KLF12: variants seen among roughly 807,000 people sequenced by gnomAD.
KLF12 encodes the protein Krueppel-like factor 12.
A neutral mutation model predicts 37.8 loss-of-function variants in KLF12; 9 were observed. The ratio of observed to expected loss-of-function variants is 0.24; its 90% CI spans 0.14 to 0.42. The LOEUF is 0.42. Among genes scored for constraint, KLF12 ranks in the 10% least tolerant of loss-of-function variants. KLF12 has a pLI of 1.00. For synonymous variants in KLF12, 208 were observed against 202.1 expected (o/e 1.03, Z -0.25); for missense variants, 411 against 516.0 (o/e 0.80, Z 1.97).
At chr13:74,242,564 G>A in the KLF12 span, among the ~76,000 whole-genome samples, 2 of 152,202 alleles carry the variant, frequency 1.3e-5, no homozygotes, top group African/African-American at 2.4e-5. Context: ...TACAATTCAA[G>A]ATGAGATTTG....
chr13:73,810,981 T>C (rs1594118161), intron 5 of KLF12, among the ~76,000 whole-genome samples: 1 of 101,986 alleles, frequency 9.8e-6, no homozygotes, highest in Non-Finnish European at 2.0e-5. Flanking sequence ...AATTTTTCTT[T>C]CTTTTTTTTT....
chr13:74,005,992 T>C (rs78630947), intron 1 of KLF12, among the ~76,000 whole-genome samples: 5,949 of 152,260 alleles, frequency 0.039, 159 homozygotes, highest in African/African-American at 0.068. Flanking sequence ...TGGGTTCTCA[T>C]TCTATACTCT....
the KLF12 span, among the ~76,000 whole-genome samples, chr13:74,286,503 T>C: frequency 6.6e-6 from 1 of 152,200 alleles, no homozygotes; most frequent in African/African-American, 2.4e-5. Flanking sequence ...AGAAAAAATT[T>C]TCATATGCAC....
intron 2 of KLF12, among the ~76,000 whole-genome samples, chr13:73,959,096 A>G (rs1890937283): frequency 8.3e-6 from 1 of 120,824 alleles, no homozygotes; most frequent in Non-Finnish European, 1.7e-5. Flanking sequence ...AACCAAGTTC[A>G]GCATCTCTGA....
At chr13:73,885,605 G>C (rs186046910) in intron 3 of KLF12, among the ~76,000 whole-genome samples, 1 of 152,288 alleles carries the variant, frequency 6.6e-6, no homozygotes, top group Admixed American at 6.5e-5. Context: ...TCTGAATCAA[G>C]ATTTGAAATA....
At chr13:74,260,336 G>A in the KLF12 span, among the ~76,000 whole-genome samples, 295 of 151,980 alleles carry the variant, frequency 1.9e-3, 5 homozygotes, top group Admixed American at 0.015. Context: ...CAGAAGAATC[G>A]TTTGAGGCCA....
intron 6 of KLF12, among the ~76,000 whole-genome samples, chr13:73,756,713 T>C (rs549084328): frequency 6.6e-6 from 1 of 152,224 alleles, no homozygotes; most frequent in East Asian, 1.9e-4. Context: ...GGGAAACTAC[T>C]CCCACCTCAT....
At chr13:73,737,267 C>T (rs573123650) in intron 6 of KLF12, among the ~76,000 whole-genome samples, 7 of 152,244 alleles carry the variant, frequency 4.6e-5, no homozygotes, top group Middle Eastern at 3.4e-3. Flanking sequence ...CAACTGTAGC[C>T]TTTCTTTGAG....
chr13:73,933,291 G>C (rs558680987), intron 3 of KLF12, among the ~76,000 whole-genome samples: 2 of 152,070 alleles, frequency 1.3e-5, no homozygotes, highest in African/African-American at 2.4e-5. Context: ...TTTGCATAAC[G>C]TATCTTTTTC....
intron 5 of KLF12, among the ~76,000 whole-genome samples, chr13:73,789,240 T>C (rs1881522214): frequency 6.6e-6 from 1 of 152,220 alleles, no homozygotes; most frequent in African/African-American, 2.4e-5. Context: ...TCTACATCTC[T>C]GAAGTACTTT....
intron 1 of KLF12, among the ~76,000 whole-genome samples, chr13:74,063,070 C>G (rs958141372): frequency 2.0e-5 from 3 of 152,196 alleles, no homozygotes; most frequent in Non-Finnish European, 4.4e-5. Flanking sequence ...TCTCTCCGAG[C>G]TTCCTCTGTG....
intron 6 of KLF12, among the ~76,000 whole-genome samples, chr13:73,751,835 G>A (rs905639270): frequency 6.6e-6 from 1 of 152,010 alleles, no homozygotes; most frequent in Non-Finnish European, 1.5e-5. Context: ...ACATCTACTG[G>A]GGGTAAGTGG....
chr13:74,282,039 C>G, the KLF12 span, among the ~76,000 whole-genome samples: 1 of 152,102 alleles, frequency 6.6e-6, no homozygotes, highest in East Asian at 1.9e-4. Context: ...CTCAGTCAAC[C>G]TTAGTAAGGT....
At chr13:73,724,053 G>A (rs941854943) in intron 6 of KLF12, among the ~76,000 whole-genome samples, 22 of 152,090 alleles carry the variant, frequency 1.4e-4, no homozygotes, top group Non-Finnish European at 1.2e-4. Flanking sequence ...TATACCCAAA[G>A]GATTATAAAT....
At chr13:74,148,143 C>A in the KLF12 span, among the ~76,000 whole-genome samples, 4 of 151,952 alleles carry the variant, frequency 2.6e-5, no homozygotes, top group Non-Finnish European at 5.9e-5. Flanking sequence ...TCTCGAACTC[C>A]TAACCTGATG....
the KLF12 span, among the ~76,000 whole-genome samples, chr13:74,244,414 ATCACT>A: frequency 1.2e-4 from 19 of 152,276 alleles, 1 homozygote; most frequent in Admixed American, 9.8e-4. Flanking sequence ...CTCCAAACTT[ATCACT>A]TTCTACTTTC....
At chr13:73,822,267 G>A (rs1356426959) in intron 4 of KLF12, among the ~76,000 whole-genome samples, 1 of 152,140 alleles carries the variant, frequency 6.6e-6, no homozygotes, top group Non-Finnish European at 1.5e-5. Flanking sequence ...TATATTTTTG[G>A]TTTGGGATGA....
chr13:73,761,540 C>T (rs932099752), intron 6 of KLF12, among the ~76,000 whole-genome samples: 2 of 152,106 alleles, frequency 1.3e-5, no homozygotes, highest in Admixed American at 6.6e-5. Flanking sequence ...TACAATTGCA[C>T]GCCCTTGAAG....
At chr13:73,791,790 T>C (rs1400946801) in intron 5 of KLF12, among the ~76,000 whole-genome samples, 1 of 152,320 alleles carries the variant, frequency 6.6e-6, no homozygotes, top group East Asian at 1.9e-4. Flanking sequence ...AGTCCTATTG[T>C]CAGATCAAAT....
Sources: allele counts gnomAD v4.1 joint callset (sites outside exome capture counted in the v4.1 genomes callset), GRCh38; gene constraint gnomAD v4.1.1; transcripts MANE v1.5; gene names NCBI Gene and HGNC (gene_info 2026-07-23, HGNC 2026-07-21).